The following FRMPD4 variants were observed in gnomAD, a reference collection of about 807,000 sequenced individuals.
FRMPD4 encodes FERM and PDZ domain containing 4, also known as FERM and PDZ domain-containing protein 4.
A neutral mutation model predicts 94.1 loss-of-function variants in FRMPD4; 22 were observed. The observed-to-expected ratio is 0.23, with a 90% CI of 0.17 to 0.33. The LOEUF is 0.33. FRMPD4 is among the 10% of genes least tolerant of loss of function. The pLI is 1.00. For missense variants in FRMPD4, 1,111 were observed against 1,339.9 expected, an observed-to-expected ratio of 0.83 and a Z score of 2.67; for synonymous variants, 631 against 548.6, an observed-to-expected ratio of 1.15 and a Z score of -2.10.
intron 1 of FRMPD4, among the ~76,000 whole-genome samples, chrX:12,212,712 A>G (rs2056767648): frequency 8.9e-6 from 1 of 112,174 alleles, no homozygotes; most frequent in Non-Finnish European, 1.9e-5. Flanking sequence ...CATACCCACC[A>G]TATGGCTGTC....
At chrX:12,288,741 C>T (rs753110660) in intron 1 of FRMPD4, among the ~76,000 whole-genome samples, 44 of 112,066 alleles carry the variant, frequency 3.9e-4, no homozygotes, top group Non-Finnish European at 7.3e-4. Flanking sequence ...AGGTAAAATA[C>T]GTTATACTTT....
rs866119458 is a variant in FRMPD4 at position 12,442,695 on chromosome X, G to A, written c.42-55985G>A. ...TGGCTGTTCCTCAAAATGTTACACA[G>A]AGAGTTATTATATAACCTGGTAGTT... On this transcript the variant is annotated intron_variant, in intron 1 of 16. Transcript: ENST00000675598. Among the ~76,000 whole-genome samples the A allele has an allele frequency of 8.1e-5, 9 of 111,686 alleles. 1 individual carries two copies. The South Asian group carries it at 3.0e-3, about 38-fold the overall frequency.
intron 1 of FRMPD4, among the ~76,000 whole-genome samples, chrX:12,347,874 TAC>T (rs1024887452): frequency 1.1e-4 from 12 of 111,931 alleles, no homozygotes; most frequent in Non-Finnish European, 2.3e-4. Context: ...ATTATATACA[TAC>T]AGATATTTTA....
At chrX:12,107,282 C>A (rs2055308129) in intron 3 of FRMPD4, among the ~76,000 whole-genome samples, 1 of 112,088 alleles carries the variant, frequency 8.9e-6, no homozygotes, top group Non-Finnish European at 1.9e-5. Context: ...GATACCCAGG[C>A]AAACAGGGTG....
intron 3 of FRMPD4, among the ~76,000 whole-genome samples, chrX:12,070,464 C>A (rs188356558): frequency 4.1e-3 from 453 of 111,812 alleles, no homozygotes; most frequent in Non-Finnish European, 6.7e-3. Flanking sequence ...ATATAGGCAA[C>A]TATCCAATTG....
At chrX:12,517,227 C>T (rs111594378) in intron 2 of FRMPD4, among the ~76,000 whole-genome samples, 1 of 111,541 alleles carries the variant, frequency 9.0e-6, no homozygotes, top group African/African-American at 3.3e-5. Context: ...ATCTCAGCCT[C>T]TGCCCAGTTC....
intron 3 of FRMPD4, among the ~76,000 whole-genome samples, chrX:12,091,805 A>G (rs1350562127): frequency 8.9e-6 from 1 of 111,778 alleles, no homozygotes; most frequent in African/African-American, 3.3e-5. Flanking sequence ...TATGGTCCCA[A>G]TGTTAATTAT....
chrX:12,449,246 C>T (rs975849009), intron 1 of FRMPD4, among the ~76,000 whole-genome samples: 2 of 112,264 alleles, frequency 1.8e-5, no homozygotes, highest in Non-Finnish European at 3.8e-5. Flanking sequence ...TTTTTTCTAA[C>T]TTCCCAACTG....
chrX:12,588,344 A>G (rs1177300857), intron 2 of FRMPD4, among the ~76,000 whole-genome samples: 1 of 112,470 alleles, frequency 8.9e-6, no homozygotes, highest in East Asian at 2.8e-4. Flanking sequence ...GGCAGGGCCC[A>G]GGATTTCCTC....
At chrX:12,448,049 T>C (rs1021269143) in intron 1 of FRMPD4, among the ~76,000 whole-genome samples, 9 of 112,025 alleles carry the variant, frequency 8.0e-5, no homozygotes, top group East Asian at 2.8e-4. Context: ...ATTTGTAGAA[T>C]GGTAATTAAT....
chrX:11,962,088 C>T (rs942377255), intron 3 of FRMPD4, among the ~76,000 whole-genome samples: 3 of 112,445 alleles, frequency 2.7e-5, no homozygotes, highest in East Asian at 5.6e-4. Context: ...AAAGGAAGAC[C>T]TCTCATAAAG....
chrX:12,707,448 T>C, intron 12 of FRMPD4, 21 bp from the exon 13 acceptor site: 1 of 1,157,503 alleles, frequency 8.6e-7, no homozygotes, highest in Non-Finnish European at 1.2e-6. Flanking sequence ...TATTTTTATG[T>C]TGTCAACTTC....
upstream of FRMPD4, among the ~76,000 whole-genome samples, chrX:12,137,242 G>T (rs917898143): frequency 8.9e-6 from 1 of 112,127 alleles, no homozygotes; most frequent in Admixed American, 9.4e-5. Flanking sequence ...GTAATTTTAT[G>T]CCTGAGTTTT....
chrX:12,305,575 T>G (rs1601799933), intron 1 of FRMPD4, among the ~76,000 whole-genome samples: 1 of 88,497 alleles, frequency 1.1e-5, no homozygotes, highest in Non-Finnish European at 2.3e-5. Context: ...TTTTTTTTTT[T>G]CAGACAGAGT....
At chrX:12,345,079 T>A in intron 1 of FRMPD4, among the ~76,000 whole-genome samples, 2 of 109,252 alleles carry the variant, frequency 1.8e-5, no homozygotes, top group South Asian at 7.8e-4. Context: ...GATGGATTGA[T>A]GGATGAATGA....
rs1271181207 is a variant in FRMPD4 at position 12,194,344 on chromosome X, A to G, written c.41+55332A>G. Among the ~76,000 whole-genome samples, 3 of 110,353 alleles carry G rather than the reference A, an allele frequency of 2.7e-5. No homozygotes were observed. In the Admixed American group the frequency reaches 2.9e-4, roughly 11 times the overall value. The stretch of plus-strand genomic sequence containing the variant: ...TGTGGATTCCTGATTAGGGGGCTTT[A>G]AGTGTGGCCTAATTTTCTCTAGGAT... On this transcript the variant is annotated intron_variant, in intron 1 of 16. Coordinates refer to ENST00000675598, the MANE Select transcript of FRMPD4 (RefSeq NM_001368397.1).
chrX:12,469,328 C>T (rs1283069499), intron 1 of FRMPD4, among the ~76,000 whole-genome samples: 1 of 111,254 alleles, frequency 9.0e-6, no homozygotes, highest in African/African-American at 3.3e-5. Flanking sequence ...CAGCTCACTG[C>T]AGCCTCCAGC....
In FRMPD4 at chrX:12,160,990, A is replaced by T. The variant is rs1268518170; in HGVS notation, c.41+21978A>T. 4.5e-5 allele frequency among the ~76,000 whole-genome samples: 5 copies of T among 110,991 alleles called. 1 individual carries two copies. Among genetic ancestry groups the T allele is most frequent in the African/African-American group, 1.6e-4 (5 of 30,468 alleles). On this transcript the variant is annotated intron_variant, in intron 1 of 16. Transcript: ENST00000675598. ...TCTACAATTTTACTAACACTACTTC[A>T]TGCTATTTATATTAGTTATTACTTT...
At position 12,722,264 on chromosome X, in the gene FRMPD4, A is replaced by G. The variant is rs367886593; in HGVS notation, c.*406A>G. On this transcript the variant is annotated 3_prime_UTR_variant, in exon 17 of 17. Transcript: ENST00000675598. ...CAAAACAAAAAAGAGAGAGAAAAGA[A>G]AAGAAATCACAATGTATATAAAACA... 19 of 112,155 alleles carry G rather than the reference A, an allele frequency of 1.7e-4. No individual in the cohort carries two copies. In the East Asian group the frequency reaches 4.2e-3, roughly 25 times the overall value. The allele number at this position is 112,155 out of a possible 1,213,427, so 9.2% of individuals were successfully genotyped here.
Sources: allele counts gnomAD v4.1 joint callset (sites outside exome capture counted in the v4.1 genomes callset), GRCh38; gene constraint gnomAD v4.1.1; transcripts MANE v1.5; gene names NCBI Gene and HGNC (gene_info 2026-07-23, HGNC 2026-07-21).